ATP8A2: variants seen among roughly 807,000 people sequenced by gnomAD.
ATP8A2 encodes ATPase phospholipid transporting 8A2, also known as phospholipid-transporting ATPase IB.
ATP8A2 carries 100 observed loss-of-function variants against 165.6 expected under a neutral mutation model. The observed-to-expected ratio is 0.60, with a 90% CI of 0.51 to 0.71. The LOEUF (loss-of-function observed/expected upper bound fraction) is 0.71, where lower values mean the gene tolerates loss of function less well. Ranked by LOEUF, ATP8A2 falls within the 30% of genes least tolerant of loss-of-function variation. The probability of loss-of-function intolerance (pLI) is 0.00; values close to 1 mark genes in which losing one functional copy is unlikely to be tolerated. For synonymous variants in ATP8A2, 543 were observed against 548.8 expected (o/e 0.99, Z 0.15); for missense variants, 1,227 against 1,479.5 (o/e 0.83, Z 2.80).
intron 24 of ATP8A2, among the ~76,000 whole-genome samples, chr13:25,677,157 GC>G: frequency 6.6e-6 from 1 of 152,216 alleles, no homozygotes; most frequent in South Asian, 2.1e-4. Context: ...GAAGTCTGCT[GC>G]CCACTGTGGT....
At chr13:25,851,582 C>CAA (rs200852097) in intron 30 of ATP8A2, among the ~76,000 whole-genome samples, 80 of 109,050 alleles carry the variant, frequency 7.3e-4, no homozygotes, top group Non-Finnish European at 1.0e-3. Flanking sequence ...GACTCTGTCT[C>CAA]AAAAAAAAAA....
intron 33 of ATP8A2, among the ~76,000 whole-genome samples, chr13:25,938,801 C>T (rs541326285): frequency 2.0e-5 from 3 of 151,450 alleles, no homozygotes; most frequent in Admixed American, 2.0e-4. Flanking sequence ...GTCTGCAACA[C>T]GTTCCAGAGA....
rs543539932 is a variant in ATP8A2, at chr13:25,938,518, C to T, written c.3184-23057C>T. On this transcript the variant is annotated intron_variant, in intron 33 of 36. Transcript: ENST00000381655. ...TTCACATTACCGTCTGTGGTGTTAACTTTCATGCCTAAACATGCATGTGTG... is the reference window on the plus strand; with the variant it reads ...TTCACATTACCGTCTGTGGTGTTAATTTTCATGCCTAAACATGCATGTGTG... Among the ~76,000 whole-genome samples the T allele has an allele frequency of 2.0e-5, 3 of 152,310 alleles. No individual in the cohort carries two copies. The East Asian group carries it at 5.8e-4, about 29-fold the overall frequency.
chr13:26,014,252 G>A (rs1045571221), intron 36 of ATP8A2, among the ~76,000 whole-genome samples: 7 of 152,226 alleles, frequency 4.6e-5, no homozygotes, highest in Non-Finnish European at 7.3e-5. Context: ...CAGAGGTTCA[G>A]TGTAGGTCCT....
chr13:25,963,165 G>GT (rs1330142266), intron 34 of ATP8A2, among the ~76,000 whole-genome samples: 1 of 152,136 alleles, frequency 6.6e-6, no homozygotes, highest in Non-Finnish European at 1.5e-5. Context: ...GGAGGCCGAG[G>GT]TGGGTGGATC....
intron 33 of ATP8A2, among the ~76,000 whole-genome samples, chr13:25,886,397 T>C (rs2138874718): frequency 6.6e-6 from 1 of 152,120 alleles, no homozygotes; most frequent in African/African-American, 2.4e-5. Context: ...ACTGTGTGAG[T>C]TTTGTGTTTT....
chr13:25,997,368 G>A (rs1474134362), intron 35 of ATP8A2, among the ~76,000 whole-genome samples: 1 of 152,124 alleles, frequency 6.6e-6, no homozygotes, highest in Non-Finnish European at 1.5e-5. Context: ...GGCTGCCTTT[G>A]GAATCTTTGT....
At chr13:25,753,729 T>C (rs1193857091) in intron 25 of ATP8A2, among the ~76,000 whole-genome samples, 1 of 152,210 alleles carries the variant, frequency 6.6e-6, no homozygotes, top group Non-Finnish European at 1.5e-5. Context: ...AGCCATGTGT[T>C]GCTCCCTGAT....
chr13:25,964,051 G>T (rs186947856), intron 34 of ATP8A2, among the ~76,000 whole-genome samples: 2 of 152,348 alleles, frequency 1.3e-5, no homozygotes, highest in East Asian at 3.9e-4. Flanking sequence ...GAAGGCTAAG[G>T]GTCGTCACTC....
intron 24 of ATP8A2, among the ~76,000 whole-genome samples, chr13:25,649,572 G>A (rs1037958995): frequency 6.6e-6 from 1 of 152,278 alleles, no homozygotes; most frequent in African/African-American, 2.4e-5. Context: ...CTTTCCCTCT[G>A]CTGTCCCTGC....
At chr13:25,808,099 C>G (rs910483624) in intron 27 of ATP8A2, among the ~76,000 whole-genome samples, 1 of 151,416 alleles carries the variant, frequency 6.6e-6, no homozygotes, top group Admixed American at 6.6e-5. Context: ...CATTTTTTAG[C>G]CCAAGTTCAA....
intron 6 of ATP8A2, among the ~76,000 whole-genome samples, chr13:25,533,761 A>G (rs2038190711): frequency 6.6e-6 from 1 of 152,210 alleles, no homozygotes. Flanking sequence ...AATAATAGCA[A>G]GGAAAGCTTT....
At chr13:25,747,855 A>C (rs1356423082) in intron 25 of ATP8A2, among the ~76,000 whole-genome samples, 1 of 152,220 alleles carries the variant, frequency 6.6e-6, no homozygotes, top group Non-Finnish European at 1.5e-5. Flanking sequence ...GGGATGTAAA[A>C]TGCACCAAGT....
intron 2 of ATP8A2, among the ~76,000 whole-genome samples, chr13:25,500,831 C>G (rs1403487404): frequency 1.3e-5 from 2 of 152,150 alleles, no homozygotes; most frequent in Admixed American, 6.5e-5. Context: ...CCTGCCCTAG[C>G]CTCTCAAAGT....
At chr13:25,642,764 G>A (rs1032825545) in intron 24 of ATP8A2, among the ~76,000 whole-genome samples, 12 of 152,260 alleles carry the variant, frequency 7.9e-5, no homozygotes, top group East Asian at 5.8e-4. Context: ...ACATGCACAC[G>A]TATGTTTATT....
At chr13:25,849,887 T>C (rs1236820110) in intron 30 of ATP8A2, among the ~76,000 whole-genome samples, 1 of 152,238 alleles carries the variant, frequency 6.6e-6, no homozygotes, top group East Asian at 1.9e-4. Flanking sequence ...ACACTTTTCA[T>C]GCATGCCATA....
In ATP8A2 at chr13:25,667,172, T is replaced by C. The variant is rs568270693; in HGVS notation, c.2212-32001T>C. ...CTCTTTCCCCTCAAAATCACCAGTC[T>C]GTTTTCTGTCTCTATGGATTTACCC... On this transcript the variant is annotated intron_variant, in intron 24 of 36. Transcript: ENST00000381655. Among the ~76,000 whole-genome samples the C allele has an allele frequency of 7.2e-5, 11 of 152,300 alleles. No individual in the cohort carries two copies. In the South Asian group the frequency reaches 2.3e-3, roughly 32 times the overall value.
At chr13:25,814,067 T>C (rs1950946220) in intron 27 of ATP8A2, among the ~76,000 whole-genome samples, 1 of 147,962 alleles carries the variant, frequency 6.8e-6, no homozygotes, top group African/African-American at 2.5e-5. Context: ...CAATTCCTTA[T>C]AATGAATCTC....
chr13:25,677,215 A>T (rs1254410674), intron 24 of ATP8A2, among the ~76,000 whole-genome samples: 1 of 152,234 alleles, frequency 6.6e-6, no homozygotes, highest in Non-Finnish European at 1.5e-5. Context: ...AATTAATGTT[A>T]AATAAAATCA....
Sources: allele counts gnomAD v4.1 joint callset (sites outside exome capture counted in the v4.1 genomes callset), GRCh38; gene constraint gnomAD v4.1.1; transcripts MANE v1.5; gene names NCBI Gene and HGNC (gene_info 2026-07-23, HGNC 2026-07-21).